VAV3: variants seen among roughly 807,000 people sequenced by gnomAD.
The protein encoded by VAV3 is guanine nucleotide exchange factor VAV3.
Under a neutral mutation model 131.2 loss-of-function variants are expected in VAV3, and 94 were observed. The observed-to-expected ratio is 0.72, with a 90% CI of 0.61 to 0.85. The LOEUF (loss-of-function observed/expected upper bound fraction) is 0.85, where lower values mean the gene tolerates loss of function less well. Ranked by LOEUF, VAV3 falls within the 40% of genes least tolerant of loss-of-function variation. The probability of loss-of-function intolerance (pLI) is 0.00; values close to 1 mark genes in which losing one functional copy is unlikely to be tolerated. For synonymous variants in VAV3, 349 were observed against 342.0 expected (o/e 1.02, Z -0.22); for missense variants, 939 against 1,002.7 (o/e 0.94, Z 0.86).
intron 15 of VAV3, among the ~76,000 whole-genome samples, chr1:107,731,697 A>C (rs1662248950): frequency 6.6e-6 from 1 of 152,192 alleles, no homozygotes; most frequent in African/African-American, 2.4e-5. Flanking sequence ...TTTCAGAGGC[A>C]GTCCGTCCCT....
At chr1:107,867,820 T>C (rs1670070225) in intron 2 of VAV3, among the ~76,000 whole-genome samples, 1 of 152,096 alleles carries the variant, frequency 6.6e-6, no homozygotes, top group Admixed American at 6.6e-5. Flanking sequence ...GGATCCCAAA[T>C]GCCGCTCTGA....
At chr1:107,590,714 G>A (rs1650881862) in intron 25 of VAV3, among the ~76,000 whole-genome samples, 1 of 152,074 alleles carries the variant, frequency 6.6e-6, no homozygotes, top group Non-Finnish European at 1.5e-5. Context: ...AAATACTTAT[G>A]TACCATACTT....
chr1:107,673,711 G>A (rs759699096), intron 19 of VAV3: 6 of 152,096 alleles, frequency 3.9e-5, no homozygotes, highest in African/African-American at 7.2e-5. Context: ...CAACAAATTC[G>A]CTCAATGAAA....
intron 20 of VAV3, among the ~76,000 whole-genome samples, chr1:107,635,971 T>A (rs189398660): frequency 6.6e-6 from 1 of 152,356 alleles, no homozygotes; most frequent in East Asian, 1.9e-4. Context: ...TAGTAATTCA[T>A]TTTATAGAAT....
At chr1:107,922,351 T>A (rs1025495367) in intron 1 of VAV3, among the ~76,000 whole-genome samples, 1 of 152,188 alleles carries the variant, frequency 6.6e-6, no homozygotes, top group African/African-American at 2.4e-5. Context: ...AAGGGATTTT[T>A]AGGCATATTT....
At chr1:107,784,496 T>C (rs1200615370) in intron 2 of VAV3, among the ~76,000 whole-genome samples, 5 of 152,194 alleles carry the variant, frequency 3.3e-5, no homozygotes, top group African/African-American at 1.2e-4. Flanking sequence ...GATTTTTAAA[T>C]GGGATGACTA....
chr1:107,584,021 A>G (rs1365188344), intron 25 of VAV3, among the ~76,000 whole-genome samples: 1 of 152,214 alleles, frequency 6.6e-6, no homozygotes, highest in Non-Finnish European at 1.5e-5. Context: ...ACAAGGCTAC[A>G]GTAACCAAAA....
chr1:107,640,874 C>A (rs1655287960), intron 20 of VAV3, among the ~76,000 whole-genome samples: 1 of 152,004 alleles, frequency 6.6e-6, no homozygotes, highest in Non-Finnish European at 1.5e-5. Flanking sequence ...GGAGACTGAG[C>A]ATATTTATAT....
At chr1:107,879,374 C>A (rs895976608) in intron 1 of VAV3, among the ~76,000 whole-genome samples, 1 of 152,178 alleles carries the variant, frequency 6.6e-6, no homozygotes, top group Non-Finnish European at 1.5e-5. Context: ...CAGGATTGGC[C>A]TAACTGGCCT....
intron 19 of VAV3, 44 bp from the exon 20 acceptor site, chr1:107,642,799 T>C: frequency 6.2e-7 from 1 of 1,611,226 alleles, no homozygotes; most frequent in Non-Finnish European, 8.5e-7. Context: ...AAAACAATGA[T>C]GCATGAAGTC....
chr1:107,613,019 T>C (rs1652870763), intron 21 of VAV3, among the ~76,000 whole-genome samples: 1 of 152,246 alleles, frequency 6.6e-6, no homozygotes, highest in African/African-American at 2.4e-5. Flanking sequence ...TTTTGATATT[T>C]TGTCCACAAG....
intron 4 of VAV3, among the ~76,000 whole-genome samples, chr1:107,776,375 T>C (rs1665357634): frequency 6.6e-6 from 1 of 152,108 alleles, no homozygotes. Flanking sequence ...GTCTCAGGCA[T>C]TGGCAAATGC....
Position 107,729,168 on chromosome 1 carries a change from G to A in VAV3, c.1502+19800C>T, listed in dbSNP as rs144114390. Reference sequence around the variant, plus strand: ...TTCGAAGCTATCTAGTTTTTAAAATGCACTGACAGCAACAGCTTTAATTTA... The same window carrying A: ...TTCGAAGCTATCTAGTTTTTAAAATACACTGACAGCAACAGCTTTAATTTA... On this transcript the variant is annotated intron_variant, in intron 15 of 26. Coordinates refer to ENST00000370056, the MANE Select transcript of VAV3 (RefSeq NM_006113.5). Among the ~76,000 whole-genome samples, 57 of 152,020 alleles carry A rather than the reference G, an allele frequency of 3.7e-4. No individual in the cohort carries two copies. In the East Asian group the frequency reaches 0.01, roughly 28 times the overall value.
chr1:107,678,204 T>G (rs1314977489), intron 19 of VAV3, among the ~76,000 whole-genome samples: 1 of 152,214 alleles, frequency 6.6e-6, no homozygotes, highest in Non-Finnish European at 1.5e-5. Context: ...TGAATCTTAA[T>G]CACTGGGTTT....
intron 1 of VAV3, among the ~76,000 whole-genome samples, chr1:107,915,990 T>C (rs945816426): frequency 4.0e-5 from 6 of 150,900 alleles, no homozygotes. Flanking sequence ...TTGAGAGCAA[T>C]GAGGGGAGCA....
chr1:107,578,709 C>T (rs998876865), intron 25 of VAV3: 24 of 939,098 alleles, frequency 2.6e-5, no homozygotes, highest in African/African-American at 1.1e-4. Flanking sequence ...CCCGGGTTCA[C>T]GCCATTCTCC....
At chr1:107,860,684 T>A (rs1043713763) in intron 2 of VAV3, among the ~76,000 whole-genome samples, 1 of 151,492 alleles carries the variant, frequency 6.6e-6, no homozygotes, top group African/African-American at 2.4e-5. Context: ...CCCACAGAAG[T>A]TAGAAAGAAA....
At chr1:107,686,319 TA>T (rs1373281903) in intron 18 of VAV3, among the ~76,000 whole-genome samples, 1 of 151,674 alleles carries the variant, frequency 6.6e-6, no homozygotes, top group Admixed American at 6.6e-5. Context: ...GTGCAAAATT[TA>T]AAAAAAATTC....
intron 1 of VAV3, among the ~76,000 whole-genome samples, chr1:107,951,413 T>C (rs1379951993): frequency 9.9e-5 from 15 of 152,218 alleles, no homozygotes; most frequent in Admixed American, 9.8e-4. Context: ...TTTATCTCTA[T>C]GCCTTTGTGC....
Sources: allele counts gnomAD v4.1 joint callset (sites outside exome capture counted in the v4.1 genomes callset), GRCh38; gene constraint gnomAD v4.1.1; transcripts MANE v1.5; gene names NCBI Gene and HGNC (gene_info 2026-07-23, HGNC 2026-07-21).